MAF: variants seen among roughly 807,000 people sequenced by gnomAD.
The protein encoded by MAF is MAF bZIP transcription factor.
A neutral mutation model predicts 22.0 loss-of-function variants in MAF; 10 were observed. That is an observed-to-expected ratio of 0.45 (90% CI 0.28 to 0.77). MAF has a LOEUF of 0.77. Among genes scored for constraint, MAF ranks in the 30% least tolerant of loss-of-function variants. MAF has a pLI of 0.12. For missense variants in MAF, 544 were observed against 548.4 expected, an observed-to-expected ratio of 0.99 and a Z score of 0.08; for synonymous variants, 337 against 255.8, an observed-to-expected ratio of 1.32 and a Z score of -3.03.
the MAF span, among the ~76,000 whole-genome samples, chr16:79,374,954 T>C: frequency 6.6e-6 from 1 of 152,182 alleles, no homozygotes; most frequent in African/African-American, 2.4e-5. Flanking sequence ...TGCATATGTG[T>C]TGTATACATA....
chr16:79,440,927 C>T, the MAF span, among the ~76,000 whole-genome samples: 1 of 152,226 alleles, frequency 6.6e-6, no homozygotes, highest in Non-Finnish European at 1.5e-5. Flanking sequence ...AAGCTCTGTC[C>T]TCTGTAGCTT....
the MAF span, among the ~76,000 whole-genome samples, chr16:79,548,543 A>G: frequency 9.7e-3 from 1,480 of 152,328 alleles, 25 homozygotes; most frequent in African/African-American, 0.034. Flanking sequence ...GTGTTCTAGC[A>G]TGATACCGTT....
chr16:79,314,988 G>C, the MAF span, among the ~76,000 whole-genome samples: 1 of 152,220 alleles, frequency 6.6e-6, no homozygotes, highest in African/African-American at 2.4e-5. Context: ...GCAGTATTGA[G>C]ACACAGGGAA....
At chr16:79,273,293 G>A in the MAF span, among the ~76,000 whole-genome samples, 2 of 152,178 alleles carry the variant, frequency 1.3e-5, no homozygotes, top group African/African-American at 4.8e-5. Context: ...GGCTCAGACA[G>A]TGCAGGGAAA....
At chr16:79,388,395 T>C in the MAF span, among the ~76,000 whole-genome samples, 1 of 152,320 alleles carries the variant, frequency 6.6e-6, no homozygotes, top group East Asian at 1.9e-4. Flanking sequence ...CCACAGAACA[T>C]TGTCTTCAAG....
At chr16:79,481,605 T>C in the MAF span, among the ~76,000 whole-genome samples, 4 of 151,984 alleles carry the variant, frequency 2.6e-5, no homozygotes, top group Non-Finnish European at 5.9e-5. Context: ...TCAACCCAGG[T>C]ATCCATTCAC....
the MAF span, among the ~76,000 whole-genome samples, chr16:79,336,471 G>A: frequency 6.6e-6 from 1 of 152,194 alleles, no homozygotes. Flanking sequence ...GGGATGCTGG[G>A]AGGAAAACAG....
the MAF span, among the ~76,000 whole-genome samples, chr16:79,421,809 G>A: frequency 2.6e-5 from 4 of 151,962 alleles, no homozygotes; most frequent in Non-Finnish European, 5.9e-5. Flanking sequence ...ACAGAGTCTT[G>A]CTCTATCCCC....
At chr16:79,297,148 T>C in the MAF span, among the ~76,000 whole-genome samples, 1 of 152,184 alleles carries the variant, frequency 6.6e-6, no homozygotes, top group South Asian at 2.1e-4. Context: ...AACCTCATGT[T>C]ATAAGGCCCT....
chr16:79,328,265 G>C, the MAF span, among the ~76,000 whole-genome samples: 1 of 151,672 alleles, frequency 6.6e-6, no homozygotes, highest in Non-Finnish European at 1.5e-5. Context: ...GCTCAAACAA[G>C]TGCAAATCAG....
the MAF span, among the ~76,000 whole-genome samples, chr16:79,431,655 G>A: frequency 2.0e-5 from 3 of 152,048 alleles, no homozygotes; most frequent in Non-Finnish European, 2.9e-5. Flanking sequence ...CTTCCCTGAC[G>A]AATGCTAACC....
At chr16:79,422,178 G>A in the MAF span, among the ~76,000 whole-genome samples, 5 of 152,142 alleles carry the variant, frequency 3.3e-5, no homozygotes, top group African/African-American at 9.7e-5. Context: ...GAGCTGATGT[G>A]TTATTTTGGG....
At chr16:79,222,511 TA>T in the MAF span, among the ~76,000 whole-genome samples, 100 of 151,288 alleles carry the variant, frequency 6.6e-4, 1 homozygote, top group East Asian at 9.7e-4. Context: ...AGTATAATAA[TA>T]AAAAAAAGAA....
the MAF span, among the ~76,000 whole-genome samples, chr16:79,390,684 C>T: frequency 6.6e-6 from 1 of 152,112 alleles, no homozygotes; most frequent in Non-Finnish European, 1.5e-5. Context: ...GCTGCCAGGG[C>T]ACAGGAACTG....
chr16:79,405,340 G>T, the MAF span, among the ~76,000 whole-genome samples: 3 of 152,280 alleles, frequency 2.0e-5, 1 homozygote, highest in South Asian at 6.2e-4. Context: ...TCACTGACCT[G>T]AGCCTCACAG....
downstream of MAF, among the ~76,000 whole-genome samples, chr16:79,584,813 AT>A (rs1207891188): frequency 6.6e-6 from 1 of 152,222 alleles, no homozygotes; most frequent in Non-Finnish European, 1.5e-5. Context: ...AAACAACAAA[AT>A]ATTCACAATC....
chr16:79,506,397 G>A, the MAF span, among the ~76,000 whole-genome samples: 3 of 152,148 alleles, frequency 2.0e-5, no homozygotes, highest in African/African-American at 7.2e-5. Context: ...CTCAACCTCA[G>A]AGTGTGTGCC....
the MAF span, among the ~76,000 whole-genome samples, chr16:79,449,893 C>T: frequency 6.6e-6 from 1 of 152,156 alleles, no homozygotes; most frequent in African/African-American, 2.4e-5. Flanking sequence ...ATTTCAGCAG[C>T]GGCTATGCAA....
the MAF span, among the ~76,000 whole-genome samples, chr16:79,542,479 T>C: frequency 6.6e-6 from 1 of 150,862 alleles, no homozygotes; most frequent in East Asian, 2.0e-4. Flanking sequence ...TATGGCGGAG[T>C]TTCAAATCAC....
Sources: gnomAD v4.1 joint callset for allele counts (sites outside exome capture counted in the v4.1 genomes callset) on GRCh38, gnomAD v4.1.1 for gene constraint, MANE v1.5 for transcripts, NCBI Gene and HGNC (gene_info 2026-07-23, HGNC 2026-07-21) for gene names.